Variants in RBKS observed in about 807,000 individuals in gnomAD.
RBKS encodes the protein ribokinase.
A neutral mutation model predicts 33.9 loss-of-function variants in RBKS; 33 were observed. That is an observed-to-expected ratio of 0.97 (90% CI 0.74 to 1.30). RBKS has a LOEUF of 1.30. Ranked by LOEUF, RBKS falls within the 50% of genes most tolerant of loss-of-function variation. The probability of loss-of-function intolerance (pLI) is 0.00; values close to 1 mark genes in which losing one functional copy is unlikely to be tolerated. For synonymous variants in RBKS, 125 were observed against 143.0 expected, an observed-to-expected ratio of 0.87 and a Z score of 0.90; for missense variants, 361 against 392.6, an observed-to-expected ratio of 0.92 and a Z score of 0.68.
At chr2:27,887,410 T>G (rs1664557081) in intron 1 of RBKS, among the ~76,000 whole-genome samples, 1 of 152,186 alleles carries the variant, frequency 6.6e-6, no homozygotes, top group Non-Finnish European at 1.5e-5. Flanking sequence ...AAAAATAAAC[T>G]TGCGTTAATT....
chr2:27,889,619 T>G (rs1664661937), intron 1 of RBKS, among the ~76,000 whole-genome samples: 1 of 152,234 alleles, frequency 6.6e-6, no homozygotes, highest in Admixed American at 6.5e-5. Context: ...CTATCATAAT[T>G]TGATCATCGT....
rs945551716 is a variant in RBKS, at chr2:27,843,096, T to A, written c.485A>T (p.Glu162Val). The change falls in exon 5 of 8, where the codon GAA becomes GTA. Residue 162 changes from glutamate to valine, a missense_variant. Transcript: ENST00000302188. ...ACTCCTGCGGGCCATTGTTAGGGCT[T>A]CCAAAGAAGTTGCTGGAGTTATTTC... ...QLEITPATSL[E>V]ALTMARRSGV... is the part of the protein sequence containing the mutation. 1.9e-6 allele frequency: 3 copies of A among 1,607,272 alleles called. No homozygotes were observed. In the African/African-American group the frequency reaches 4.0e-5, roughly 22 times the overall value.
chr2:27,802,652 A>T (rs967647906), intron 7 of RBKS, among the ~76,000 whole-genome samples: 2 of 152,150 alleles, frequency 1.3e-5, no homozygotes, highest in Non-Finnish European at 2.9e-5. Flanking sequence ...CCTGCGCAGC[A>T]ACTCTAAGTT....
At chr2:27,852,735 T>A (rs1663774895) in intron 2 of RBKS, among the ~76,000 whole-genome samples, 1 of 152,178 alleles carries the variant, frequency 6.6e-6, no homozygotes. Flanking sequence ...CAAGAAGTTA[T>A]CACATATATT....
chr2:27,828,041 T>A (rs569434425), intron 6 of RBKS, among the ~76,000 whole-genome samples: 1 of 152,238 alleles, frequency 6.6e-6, no homozygotes, highest in East Asian at 1.9e-4. Flanking sequence ...AATGGTATTG[T>A]GTTTCCTCTT....
intron 7 of RBKS, among the ~76,000 whole-genome samples, chr2:27,791,344 G>A (rs1289781608): frequency 6.6e-6 from 1 of 152,138 alleles, no homozygotes; most frequent in East Asian, 1.9e-4. Flanking sequence ...TGTAGACTGA[G>A]TAAAGAAGAT....
chr2:27,863,061 AAAAAG>A (rs1236815832), intron 1 of RBKS, among the ~76,000 whole-genome samples: 1 of 152,218 alleles, frequency 6.6e-6, no homozygotes, highest in African/African-American at 2.4e-5. Flanking sequence ...TGCTCAAATT[AAAAAG>A]AAAAGGAAAC....
rs1422422622 is a variant in RBKS, at chr2:27,835,473, T to C, written c.515-2696A>G. 3.5e-5 allele frequency among the ~76,000 whole-genome samples: 4 copies of C among 113,668 alleles called. No homozygotes were observed. The East Asian group carries it at 9.2e-4, about 26-fold the overall frequency. 74.6% of individuals were successfully genotyped at this position (113,668 alleles called of 152,430 possible). On this transcript the variant is annotated intron_variant, in intron 5 of 7. Transcript: ENST00000302188. ...TGGCTCTGTCACCCAGGCTGGAGTA[T>C]AGTGGCGCAATCTTGGCTCACTGCA...
rs79434976 is a variant in RBKS at position 27,872,671 on chromosome 2, C to A, written c.90-14100G>T. Among the ~76,000 whole-genome samples, 517 of 152,080 alleles carry A rather than the reference C, an allele frequency of 3.4e-3. 1 individual carries two copies. Among genetic ancestry groups the A allele is most frequent in the African/African-American group, 0.012 (496 of 41,484 alleles). On this transcript the variant is annotated intron_variant, in intron 1 of 7. Transcript: ENST00000302188. ...GTCTAAGTATAACCAATAAATTAGC[C>A]GTAAAATACATAAAACCAAAAAAAT...
intron 1 of RBKS, among the ~76,000 whole-genome samples, chr2:27,874,902 C>T (rs1156779946): frequency 6.6e-6 from 1 of 152,204 alleles, no homozygotes; most frequent in Non-Finnish European, 1.5e-5. Flanking sequence ...TTAAAATTCT[C>T]CTTTCACTCT....
chr2:27,881,063 C>CAACA (rs1553381741), intron 1 of RBKS, among the ~76,000 whole-genome samples: 76 of 147,918 alleles, frequency 5.1e-4, no homozygotes, highest in African/African-American at 1.7e-3. Context: ...ACCAACCAAC[C>CAACA]AACAAACAAA....
chr2:27,883,249 G>C (rs1019120443), intron 1 of RBKS, among the ~76,000 whole-genome samples: 1 of 150,964 alleles, frequency 6.6e-6, no homozygotes, highest in Non-Finnish European at 1.5e-5. Context: ...ACCCAGGCTG[G>C]AGTGCAGTGG....
intron 5 of RBKS, among the ~76,000 whole-genome samples, chr2:27,833,070 C>T (rs1678454318): frequency 6.6e-6 from 1 of 152,122 alleles, no homozygotes; most frequent in South Asian, 2.1e-4. Context: ...GCAACAGGAA[C>T]ATTAGAGAAA....
chr2:27,801,461 GTA>G (rs200765229), intron 7 of RBKS, among the ~76,000 whole-genome samples: 4,338 of 56,096 alleles, frequency 0.077, 161 homozygotes, highest in African/African-American at 0.18. Context: ...AAGGGCCACA[GTA>G]TACACACACA....
chr2:27,879,088 C>T (rs1353776792), intron 1 of RBKS, among the ~76,000 whole-genome samples: 2 of 152,238 alleles, frequency 1.3e-5, no homozygotes, highest in Admixed American at 6.5e-5. Context: ...GATTTTGCTT[C>T]TGTGTGTAAC....
chr2:27,820,361 T>C (rs1678175583), intron 7 of RBKS, among the ~76,000 whole-genome samples: 1 of 152,186 alleles, frequency 6.6e-6, no homozygotes, highest in African/African-American at 2.4e-5. Flanking sequence ...TAGAGATAGC[T>C]AGAGAGTTAC....
At chr2:27,874,674 T>C (rs1664278362) in intron 1 of RBKS, among the ~76,000 whole-genome samples, 1 of 152,214 alleles carries the variant, frequency 6.6e-6, no homozygotes, top group Non-Finnish European at 1.5e-5. Flanking sequence ...GCTACAGTAT[T>C]TTGTCACATT....
chr2:27,860,604 A>G (rs1490992460), intron 1 of RBKS, among the ~76,000 whole-genome samples: 3 of 152,188 alleles, frequency 2.0e-5, no homozygotes, highest in African/African-American at 7.2e-5. Context: ...GTATATATAT[A>G]TGTGGGGGAA....
chr2:27,885,254 C>T (rs1339223074), intron 1 of RBKS, among the ~76,000 whole-genome samples: 5 of 152,164 alleles, frequency 3.3e-5, no homozygotes, highest in Non-Finnish European at 7.4e-5. Context: ...TTTCAAGCTA[C>T]CATCATTTCT....
Sources: gnomAD v4.1 joint callset for allele counts (sites outside exome capture counted in the v4.1 genomes callset) on GRCh38, gnomAD v4.1.1 for gene constraint, MANE v1.5 for transcripts, NCBI Gene and HGNC (gene_info 2026-07-23, HGNC 2026-07-21) for gene names.